The following AZIN1 variants were observed in gnomAD, a reference collection of about 807,000 sequenced individuals.
The protein encoded by AZIN1 is ornithine decarboxylase antizyme inhibitor.
In AZIN1, 12 loss-of-function variants were observed where a neutral mutation model predicts 47.4. The observed-to-expected ratio is 0.25, with a 90% CI of 0.16 to 0.41. The LOEUF is 0.41. Ranked by LOEUF, AZIN1 falls within the 10% of genes least tolerant of loss-of-function variation. The probability of loss-of-function intolerance (pLI) is 1.00; values close to 1 mark genes in which losing one functional copy is unlikely to be tolerated. For missense variants in AZIN1, 410 were observed against 532.4 expected (o/e 0.77, Z 2.26); for synonymous variants, 155 against 176.3 (o/e 0.88, Z 0.96).
intron 2 of AZIN1, among the ~76,000 whole-genome samples, chr8:102,844,228 C>G (rs924499265): frequency 6.6e-6 from 1 of 152,072 alleles, no homozygotes; most frequent in Non-Finnish European, 1.5e-5. Context: ...AAGTCCTGGC[C>G]GGGCATGGTG....
chr8:102,856,531 T>G lies in AZIN1; in HGVS notation c.-96+1482A>C, dbSNP rs752312671. On this transcript the variant is annotated intron_variant, in intron 2 of 11. Coordinates refer to ENST00000337198, the MANE Select transcript of AZIN1 (RefSeq NM_148174.4). ...TCAAGTTTCTAAGAGGAAACACCAGTAGAAATATTAACTATAATGCAAGGT... is the reference window on the plus strand; with the variant it reads ...TCAAGTTTCTAAGAGGAAACACCAGGAGAAATATTAACTATAATGCAAGGT... Among the ~76,000 whole-genome samples, 7 of 152,330 alleles carry G rather than the reference T, an allele frequency of 4.6e-5. No homozygotes were observed. In the East Asian group the frequency reaches 1.3e-3, roughly 29 times the overall value.
chr8:102,836,445 T>A (rs1285129848), intron 5 of AZIN1, 55 bp from the exon 6 acceptor site: 3 of 1,558,432 alleles, frequency 1.9e-6, no homozygotes, highest in Non-Finnish European at 2.6e-6. Context: ...CATCAGCACA[T>A]GTGAAGCCTG....
chr8:102,843,410 GGT>G, intron 3 of AZIN1, 139 bp downstream of exon 3: 1 of 645,472 alleles, frequency 1.5e-6, no homozygotes, highest in South Asian at 2.0e-5. Flanking sequence ...AAGGGGAGTG[GGT>G]GTGGGGGAGG....
chr8:102,833,783 G>C (rs1189047235), intron 8 of AZIN1, among the ~76,000 whole-genome samples: 1 of 138,210 alleles, frequency 7.2e-6, no homozygotes, highest in Non-Finnish European at 1.5e-5. Context: ...TTAAGTCCCA[G>C]CTACTTGGGA....
Position 102,831,615 on chromosome 8 carries a change from CT to C in AZIN1, c.904+1440del, listed in dbSNP as rs1214286020. On this transcript the variant is annotated intron_variant, in intron 9 of 11. Transcript: ENST00000337198. ...CTGAGATCATGCCACTGCATTCCAG[CT>C]TGGGCAACAAGAGCAAAACAGTCTC... 2.2e-5 allele frequency among the ~76,000 whole-genome samples: 3 copies of C among 136,774 alleles called. No homozygotes were observed. In the Admixed American group the frequency reaches 2.3e-4, roughly 11 times the overall value. 89.7% of individuals were successfully genotyped at this position (136,774 alleles called of 152,430 possible).
intron 2 of AZIN1, among the ~76,000 whole-genome samples, chr8:102,857,798 A>G (rs1297408686): frequency 3.3e-5 from 5 of 152,140 alleles, no homozygotes; most frequent in Non-Finnish European, 7.4e-5. Flanking sequence ...CATACAAGAT[A>G]GTTTTAAATG....
intron 9 of AZIN1, among the ~76,000 whole-genome samples, chr8:102,830,650 C>CA (rs891178954): frequency 0.034 from 4,000 of 116,742 alleles, 76 homozygotes; most frequent in African/African-American, 0.067. Flanking sequence ...GTCTCAAAAA[C>CA]AAAAAAAAAA....
At position 102,826,817 on chromosome 8, in the gene AZIN1, T is replaced by C. The variant is rs576106948; in HGVS notation, c.*1750A>G. ...AAGGTAGGAAACAGTTCCCCCTCCT[T>C]GTTAAATGGTTAAAAAAAGTTACAT... On this transcript the variant is annotated 3_prime_UTR_variant, in exon 12 of 12. Coordinates refer to ENST00000337198, the MANE Select transcript of AZIN1 (RefSeq NM_148174.4). 7.7e-4 allele frequency: 118 copies of C among 152,664 alleles called. No homozygotes were observed. Among genetic ancestry groups the C allele is most frequent in the African/African-American group, 2.7e-3 (112 of 41,540 alleles). 9.5% of individuals were successfully genotyped at this position (152,664 alleles called of 1,614,324 possible).
Position 102,826,729 on chromosome 8 carries a change from A to G in AZIN1, c.*1838T>C, listed in dbSNP as rs1363563666. On this transcript the variant is annotated 3_prime_UTR_variant, in exon 12 of 12. Coordinates refer to ENST00000337198, the MANE Select transcript of AZIN1 (RefSeq NM_148174.4). ...CCTGTATAGTCAAGCCAAGGACTCA[A>G]AGTTGCACCATCTTTAAAAAGGTTT... 2.0e-5 allele frequency: 3 copies of G among 152,676 alleles called. No homozygotes were observed. The highest frequency in any genetic ancestry group is 4.8e-5 in the African/African-American group (2 of 41,468). 9.5% of individuals were successfully genotyped at this position (152,676 alleles called of 1,614,324 possible). A position where few individuals can be genotyped will look rare whatever the true frequency, so the allele number is the denominator to read the frequency against.
chr8:102,828,601 A>C lies in AZIN1; in HGVS notation c.1313T>G (p.Leu438Arg). The change falls in exon 12 of 12, where the codon CTG becomes CGG. Residue 438 changes from leucine (L) to arginine (R), a missense_variant. Leu to Arg is a moderately radical substitution (Grantham distance 102). Transcript: ENST00000337198. ...AGCGGAAAAGCTGTCTTCTTGGCTCAGCTGAATGCAAGAAGGCACAAAGAA... is the reference window on the plus strand; with the variant it reads ...AGCGGAAAAGCTGTCTTCTTGGCTCCGCTGAATGCAAGAAGGCACAAAGAA... ...NFFFVPSCIQ[L>R]SQEDSFSAEA 6.2e-7 allele frequency: 1 copy of C among 1,611,462 alleles called. No homozygotes were observed. Among genetic ancestry groups the C allele is most frequent in the Non-Finnish European group, 8.5e-7 (1 of 1,177,880 alleles).
At chr8:102,843,875 GATT>G (rs1431894175) in intron 2 of AZIN1, 128 bp from the exon 3 acceptor site, 16 of 646,388 alleles carry the variant, frequency 2.5e-5, no homozygotes, top group Non-Finnish European at 3.3e-5. Flanking sequence ...AGAAACATCA[GATT>G]ATTAATTTCC....
intron 6 of AZIN1, 33 bp downstream of exon 6, chr8:102,836,223 T>A: frequency 4.2e-5 from 67 of 1,597,830 alleles, no homozygotes; most frequent in Non-Finnish European, 5.6e-5. Context: ...CATAAAATGT[T>A]CACAGCTTTA....
chr8:102,853,235 T>G (rs1207668279), intron 2 of AZIN1, among the ~76,000 whole-genome samples: 1 of 152,372 alleles, frequency 6.6e-6, no homozygotes, highest in East Asian at 1.9e-4. Flanking sequence ...TCGGGCGCAG[T>G]GGCGCATGCC....
At chr8:102,840,860 T>C (rs1005781991) in intron 3 of AZIN1, among the ~76,000 whole-genome samples, 3 of 152,232 alleles carry the variant, frequency 2.0e-5, no homozygotes, top group Non-Finnish European at 1.5e-5. Flanking sequence ...ACGCACATTA[T>C]GTGCAGCAGA....
At chr8:102,848,106 C>T (rs1812687981) in intron 2 of AZIN1, among the ~76,000 whole-genome samples, 1 of 151,988 alleles carries the variant, frequency 6.6e-6, no homozygotes, top group Non-Finnish European at 1.5e-5. Context: ...TACAGTAACT[C>T]GGTATACAGG....
intron 2 of AZIN1, among the ~76,000 whole-genome samples, chr8:102,851,814 T>G (rs1215097380): frequency 6.6e-6 from 1 of 152,238 alleles, no homozygotes; most frequent in African/African-American, 2.4e-5. Context: ...AATGGTTTTA[T>G]TCTTCTATGT....
At chr8:102,834,949 A>G in intron 6 of AZIN1, 1 of 514,220 alleles carries the variant, frequency 1.9e-6, no homozygotes, top group Non-Finnish European at 3.4e-6. Context: ...ATGCCAAGAT[A>G]AAACTGTAAT....
chr8:102,854,678 G>C (rs926140210), intron 2 of AZIN1, among the ~76,000 whole-genome samples: 4 of 148,566 alleles, frequency 2.7e-5, no homozygotes, highest in African/African-American at 9.9e-5. Context: ...CTCCTACTAA[G>C]GCATGTGTAA....
intron 1 of AZIN1, among the ~76,000 whole-genome samples, chr8:102,862,966 A>G (rs1394084364): frequency 6.6e-6 from 1 of 152,184 alleles, no homozygotes; most frequent in Non-Finnish European, 1.5e-5. Flanking sequence ...CCGTCTACCA[A>G]TCTCCCTCTT....
Sources: allele counts gnomAD v4.1 joint callset (sites outside exome capture counted in the v4.1 genomes callset), GRCh38; gene constraint gnomAD v4.1.1; transcripts MANE v1.5; gene names NCBI Gene and HGNC (gene_info 2026-07-23, HGNC 2026-07-21).